The following COLGALT2 variants were observed in gnomAD, a reference collection of about 807,000 sequenced individuals.
COLGALT2 encodes the protein procollagen galactosyltransferase 2.
A neutral mutation model predicts 73.4 loss-of-function variants in COLGALT2; 49 were observed. The ratio of observed to expected loss-of-function variants is 0.67; its 90% CI spans 0.53 to 0.85. The LOEUF is 0.85. Ranked by LOEUF, COLGALT2 falls within the 40% of genes least tolerant of loss-of-function variation. COLGALT2 has a pLI of 0.00. For missense variants in COLGALT2, 722 were observed against 790.2 expected, an observed-to-expected ratio of 0.91 and a Z score of 1.03; for synonymous variants, 295 against 307.6, an observed-to-expected ratio of 0.96 and a Z score of 0.43.
chr1:184,029,743 G>C (rs1649450707), intron 1 of COLGALT2, among the ~76,000 whole-genome samples: 1 of 152,210 alleles, frequency 6.6e-6, no homozygotes, highest in Non-Finnish European at 1.5e-5. Flanking sequence ...AGGCCAGAGA[G>C]ACAAGGACAA....
At chr1:183,970,355 C>G (rs1424497645) in intron 4 of COLGALT2, among the ~76,000 whole-genome samples, 1 of 152,190 alleles carries the variant, frequency 6.6e-6, no homozygotes, top group Non-Finnish European at 1.5e-5. Context: ...GGCAGGCTCA[C>G]TGGAATGAGT....
chr1:184,006,337 C>T (rs1672079030), intron 1 of COLGALT2, among the ~76,000 whole-genome samples: 1 of 152,242 alleles, frequency 6.6e-6, no homozygotes, highest in South Asian at 2.1e-4. Context: ...GTAATCCCAG[C>T]TCTTTGGGAG....
At chr1:183,963,822 T>C in intron 6 of COLGALT2, 79 bp downstream of exon 6, 1 of 1,368,726 alleles carries the variant, frequency 7.3e-7, no homozygotes, top group Non-Finnish European at 9.7e-7. Context: ...ATTCCAATCC[T>C]GGAAGAGGAG....
intron 1 of COLGALT2, among the ~76,000 whole-genome samples, chr1:184,027,342 A>G (rs1006336281): frequency 6.6e-6 from 1 of 152,218 alleles, no homozygotes; most frequent in Middle Eastern, 3.2e-3. Context: ...TCCCAAACCA[A>G]GAAGAAGTGC....
At chr1:183,934,521 T>G (rs1309984175), downstream of COLGALT2, among the ~76,000 whole-genome samples, 1 of 152,208 alleles carries the variant, frequency 6.6e-6, no homozygotes, top group African/African-American at 2.4e-5. Flanking sequence ...CTGTCTACTC[T>G]TAGTTTTCAG....
intron 1 of COLGALT2, among the ~76,000 whole-genome samples, chr1:184,030,726 C>T (rs561293807): frequency 2.6e-5 from 4 of 152,332 alleles, no homozygotes; most frequent in African/African-American, 7.2e-5. Flanking sequence ...CTGGCCTAAT[C>T]ACTTGGATAA....
At chr1:184,023,139 G>T (rs933699976) in intron 1 of COLGALT2, among the ~76,000 whole-genome samples, 1 of 152,200 alleles carries the variant, frequency 6.6e-6, no homozygotes, top group African/African-American at 2.4e-5. Flanking sequence ...TTACTAAGGG[G>T]AAGACTCCTT....
At chr1:183,992,275 G>A (rs1342224778) in intron 1 of COLGALT2, among the ~76,000 whole-genome samples, 1 of 152,220 alleles carries the variant, frequency 6.6e-6, no homozygotes, top group Non-Finnish European at 1.5e-5. Context: ...GACTCATGAT[G>A]TCCCATCTAC....
intron 1 of COLGALT2, among the ~76,000 whole-genome samples, chr1:184,028,859 G>A (rs1649412099): frequency 6.6e-6 from 1 of 152,178 alleles, no homozygotes; most frequent in Non-Finnish European, 1.5e-5. Flanking sequence ...CATTATGTTT[G>A]CAGAGGAACA....
chr1:183,965,916 A>G (rs1670856214), intron 5 of COLGALT2, among the ~76,000 whole-genome samples: 1 of 152,246 alleles, frequency 6.6e-6, no homozygotes, highest in Non-Finnish European at 1.5e-5. Context: ...GGTGATGAGA[A>G]GAATGTGTTT....
intron 4 of COLGALT2, among the ~76,000 whole-genome samples, chr1:183,972,501 T>C (rs140992809): frequency 9.2e-4 from 140 of 152,218 alleles, no homozygotes; most frequent in African/African-American, 3.3e-3. Context: ...GAATAAAAAA[T>C]ATAACCAGCC....
exon 12 of COLGALT2, chr1:183,929,891 A>G (rs1160315349): frequency 1.1e-5 from 2 of 183,662 alleles, no homozygotes; most frequent in Non-Finnish European, 2.3e-5. Context: ...TTTTTCTTTC[A>G]CGGGACAGTG....
chr1:183,983,342 G>A (rs1331422797), intron 1 of COLGALT2, among the ~76,000 whole-genome samples: 2 of 152,130 alleles, frequency 1.3e-5, no homozygotes, highest in African/African-American at 2.4e-5. Flanking sequence ...TTAAGACTAA[G>A]TTTCCCTGCT....
chr1:183,974,769 G>C (rs1671142845), intron 3 of COLGALT2, among the ~76,000 whole-genome samples: 1 of 152,200 alleles, frequency 6.6e-6, no homozygotes, highest in Non-Finnish European at 1.5e-5. Context: ...CTTCCAAAAA[G>C]TTGTAAGAAC....
intron 1 of COLGALT2, among the ~76,000 whole-genome samples, chr1:184,027,043 T>A (rs1649354098): frequency 6.6e-6 from 1 of 152,144 alleles, no homozygotes; most frequent in African/African-American, 2.4e-5. Flanking sequence ...TTTTAAAAAA[T>A]CTTTTTAAAA....
At chr1:183,974,086 A>G (rs1056711426) in intron 3 of COLGALT2, among the ~76,000 whole-genome samples, 1 of 152,242 alleles carries the variant, frequency 6.6e-6, no homozygotes, top group East Asian at 1.9e-4. Flanking sequence ...AGGTTCATTC[A>G]AAAACACTTA....
chr1:183,983,766 G>A (rs184819116), intron 1 of COLGALT2, among the ~76,000 whole-genome samples: 1 of 152,188 alleles, frequency 6.6e-6, no homozygotes, highest in African/African-American at 2.4e-5. Context: ...CAGTCTGAAG[G>A]CTCCTTGGAA....
chr1:183,966,792 C>T (rs540501357), intron 5 of COLGALT2, among the ~76,000 whole-genome samples: 75 of 152,288 alleles, frequency 4.9e-4, no homozygotes, highest in African/African-American at 1.7e-3. Context: ...GGAACAGAGA[C>T]GCGCCTATGA....
At chr1:183,932,044 G>A (rs1669859291), downstream of COLGALT2, among the ~76,000 whole-genome samples, 1 of 152,124 alleles carries the variant, frequency 6.6e-6, no homozygotes, top group Admixed American at 6.5e-5. Context: ...CAGTATATGA[G>A]GTTTCACAGG....
Sources: allele counts gnomAD v4.1 joint callset (sites outside exome capture counted in the v4.1 genomes callset), GRCh38; gene constraint gnomAD v4.1.1; transcripts MANE v1.5; gene names NCBI Gene and HGNC (gene_info 2026-07-23, HGNC 2026-07-21).